The following ADGRG4 variants were observed in gnomAD, a reference collection of about 807,000 sequenced individuals.
The protein encoded by ADGRG4 is G protein-coupled receptor 112.
ADGRG4 carries 122 observed loss-of-function variants against 126.2 expected under a neutral mutation model. The observed-to-expected ratio is 0.97, with a 90% CI of 0.83 to 1.12. ADGRG4 has a LOEUF of 1.12. Ranked by LOEUF, ADGRG4 falls within the 50% of genes most tolerant of loss-of-function variation. The pLI is 0.00. For missense variants in ADGRG4, 2,481 were observed against 2,251.8 expected, an observed-to-expected ratio of 1.10 and a Z score of -2.06; for synonymous variants, 943 against 838.7, an observed-to-expected ratio of 1.12 and a Z score of -2.15.
chrX:136,315,191 A>C (rs1214932976), intron 4 of ADGRG4, among the ~76,000 whole-genome samples: 1 of 108,678 alleles, frequency 9.2e-6, no homozygotes, highest in Non-Finnish European at 1.9e-5. Flanking sequence ...GCAGATAGTG[A>C]CTCTGATTCT....
In ADGRG4 at chrX:136,346,743, C is replaced by A; in HGVS notation, c.3037C>A (p.His1013Asn). ...HSSATPVPVT[H>N]MFSLPVNGSS... is the part of the protein sequence containing the mutation. The stretch of plus-strand genomic sequence containing the variant: ...CTCAGCAACCCCTGTGCCTGTTACT[C>A]ATATGTTCTCATTGCCAGTTAATGG... The change falls in exon 6 of 26, where the codon CAT (histidine) becomes AAT (asparagine). Residue 1013 changes from histidine (H) to asparagine (N), a missense_variant. Coordinates refer to ENST00000394143, the MANE Select transcript of ADGRG4 (RefSeq NM_153834.4). 8.3e-7 allele frequency: 1 copy of A among 1,210,393 alleles called. No homozygotes were observed. The highest frequency in any genetic ancestry group is 1.1e-6 in the Non-Finnish European group (1 of 894,420).
chrX:136,328,334 C>A (rs1401990594), intron 5 of ADGRG4, among the ~76,000 whole-genome samples: 2 of 111,808 alleles, frequency 1.8e-5, no homozygotes, highest in Non-Finnish European at 3.8e-5. Flanking sequence ...TATCTTGAAG[C>A]AACCGTAAAG....
At chrX:136,384,276 A>G (rs1410591326) in intron 15 of ADGRG4, among the ~76,000 whole-genome samples, 2 of 110,640 alleles carry the variant, frequency 1.8e-5, no homozygotes, top group Non-Finnish European at 3.8e-5. Flanking sequence ...TTTACAGTCT[A>G]CTTAGAGTTA....
intron 5 of ADGRG4, among the ~76,000 whole-genome samples, chrX:136,334,176 A>G (rs749428417): frequency 5.5e-4 from 57 of 103,440 alleles, no homozygotes; most frequent in Non-Finnish European, 1.0e-3. Context: ...ATTGATGTCC[A>G]GTTGCTTCAG....
At position 136,363,600 on chromosome X, in the gene ADGRG4, G is replaced by T; in HGVS notation, c.7396+5G>T. ...CTAATATTACCATAAGTGATGGTAA[G>T]ATTGTTTTGTACATATAAGACAAAT... On this transcript the variant is annotated splice_donor_5th_base_variant and intron_variant, in intron 13 of 25. Transcript: ENST00000394143. 9.6e-7 allele frequency: 1 copy of T among 1,046,921 alleles called. No homozygotes were observed. Among genetic ancestry groups the T allele is most frequent in the Non-Finnish European group, 1.3e-6 (1 of 745,651 alleles). The allele number at this position is 1,046,921 out of a possible 1,213,427, so 86.3% of individuals were successfully genotyped here. A position where few individuals can be genotyped will look rare whatever the true frequency, so the allele number is the denominator to read the frequency against.
chrX:136,316,969 A>T (rs1344271560), intron 4 of ADGRG4, among the ~76,000 whole-genome samples: 2 of 110,963 alleles, frequency 1.8e-5, no homozygotes, highest in African/African-American at 3.3e-5. Flanking sequence ...CCATCTGCCC[A>T]CCCATTAGCC....
Position 136,347,869 on chromosome X carries a change from C to T in ADGRG4, c.4163C>T (p.Ala1388Val), listed in dbSNP as rs1035102602. 9.9e-6 allele frequency: 12 copies of T among 1,208,182 alleles called. No homozygotes were observed. The Admixed American group carries it at 1.1e-4, about 11-fold the overall frequency. The change falls in exon 6 of 26, where the codon GCA (alanine) becomes GTA (valine). Residue 1388 changes from alanine (A) to valine (V), a missense_variant. Physicochemically the swap from Ala to Val is moderately conservative, Grantham distance 64. Coordinates refer to ENST00000394143, the MANE Select transcript of ADGRG4 (RefSeq NM_153834.4). ...AAGGAAAGCACGAGTGCCCTTCCAG[C>T]ATATACTCCCAGGACTGTGGAAATG... ...PEKESTSALP[A>V]YTPRTVEMIV...
chrX:136,397,619 T>G (rs753144007), intron 19 of ADGRG4, among the ~76,000 whole-genome samples: 2 of 109,581 alleles, frequency 1.8e-5, no homozygotes, highest in Admixed American at 2.0e-4. Flanking sequence ...GTAGAACATG[T>G]TAATGATGAT....
intron 19 of ADGRG4, among the ~76,000 whole-genome samples, chrX:136,395,903 G>A (rs1051426445): frequency 3.6e-5 from 4 of 111,994 alleles, no homozygotes; most frequent in African/African-American, 1.3e-4. Flanking sequence ...TCAGGCAAAT[G>A]TGTATGTATC....
At chrX:136,401,269 G>A (rs1168703921) in intron 21 of ADGRG4, among the ~76,000 whole-genome samples, 3 of 111,658 alleles carry the variant, frequency 2.7e-5, no homozygotes, top group Non-Finnish European at 5.7e-5. Context: ...TTCAATCAGA[G>A]GATTGAAAAA....
At chrX:136,334,011 G>A (rs1299559522) in intron 5 of ADGRG4, among the ~76,000 whole-genome samples, 1 of 111,068 alleles carries the variant, frequency 9.0e-6, no homozygotes, top group African/African-American at 3.3e-5. Context: ...TTACATTTAA[G>A]TCTGTGGTCC....
intron 3 of ADGRG4, among the ~76,000 whole-genome samples, chrX:136,305,399 T>A (rs958582508): frequency 9.0e-6 from 1 of 111,535 alleles, no homozygotes; most frequent in Non-Finnish European, 1.9e-5. Flanking sequence ...GATGAGTCAT[T>A]CTACCCTTGG....
At chrX:136,319,745 ATCT>A (rs1251365710) in intron 4 of ADGRG4, among the ~76,000 whole-genome samples, 1 of 105,858 alleles carries the variant, frequency 9.4e-6, no homozygotes, top group African/African-American at 3.5e-5. Context: ...CTATCTATCT[ATCT>A]ATCATCTATC....
intron 5 of ADGRG4, among the ~76,000 whole-genome samples, chrX:136,343,019 T>C (rs1294578340): frequency 9.2e-6 from 1 of 108,201 alleles, no homozygotes; most frequent in Non-Finnish European, 1.9e-5. Context: ...AGTGGCAGAC[T>C]AGTTCAGTTG....
rs1237884799 is a variant in ADGRG4, at chrX:136,347,984, A to G, written c.4278A>G (p.Ile1426Met). 4 of 1,210,442 alleles carry G rather than the reference A, an allele frequency of 3.3e-6. No homozygotes were observed. Among genetic ancestry groups the G allele is most frequent in the Admixed American group, 2.2e-5 (1 of 46,027 alleles). Residue 1426 changes from isoleucine (I) to methionine (M), a missense_variant, in exon 6 of 26, where the codon ATA becomes ATG. Ile to Met is a conservative substitution (Grantham distance 10). Coordinates refer to ENST00000394143, the MANE Select transcript of ADGRG4 (RefSeq NM_153834.4). ...CCACAACTTCCAGCTCAACAAGGAT[A>G]TCAAATCCTATGGACATCAATACAA... ...VDTTTSSSTR[I>M]SNPMDINTTF...
intron 5 of ADGRG4, among the ~76,000 whole-genome samples, chrX:136,337,585 T>C (rs2074955200): frequency 8.9e-6 from 1 of 112,607 alleles, no homozygotes; most frequent in Admixed American, 9.4e-5. Context: ...ATAGAATTCA[T>C]GGTTAACAAT....
chrX:136,393,444 A>T (rs1205657639), intron 17 of ADGRG4, 91 bp from the exon 18 acceptor site: 2 of 752,221 alleles, frequency 2.7e-6, no homozygotes, highest in African/African-American at 4.2e-5. Context: ...CCATGGGAAA[A>T]AATATTGGGA....
chrX:136,303,763 A>G (rs940826131), intron 1 of ADGRG4, among the ~76,000 whole-genome samples: 2 of 111,304 alleles, frequency 1.8e-5, no homozygotes, highest in African/African-American at 6.5e-5. Flanking sequence ...TGCTGTTTCT[A>G]TGGTTGAGCC....
chrX:136,408,263 T>A (rs2075426753), intron 23 of ADGRG4, among the ~76,000 whole-genome samples: 1 of 111,937 alleles, frequency 8.9e-6, no homozygotes, highest in African/African-American at 3.2e-5. Flanking sequence ...GCAGGTTTGT[T>A]AGCTGGGTAT....
Sources: allele counts gnomAD v4.1 joint callset (sites outside exome capture counted in the v4.1 genomes callset), GRCh38; gene constraint gnomAD v4.1.1; transcripts MANE v1.5; gene names NCBI Gene and HGNC (gene_info 2026-07-23, HGNC 2026-07-21).